The following DAB1 variants were observed in gnomAD, a reference collection of about 807,000 sequenced individuals.
DAB1 encodes the protein disabled homolog 1.
In DAB1, 15 loss-of-function variants were observed where a neutral mutation model predicts 64.6. The observed-to-expected ratio is 0.23, with a 90% CI of 0.16 to 0.36. The LOEUF (loss-of-function observed/expected upper bound fraction) is 0.36. Among genes scored for constraint, DAB1 ranks in the 10% least tolerant of loss-of-function variants. The probability of loss-of-function intolerance (pLI) is 1.00; values close to 1 mark genes in which losing one functional copy is unlikely to be tolerated. For synonymous variants in DAB1, 235 were observed against 251.9 expected, an observed-to-expected ratio of 0.93 and a Z score of 0.64; for missense variants, 596 against 706.7, an observed-to-expected ratio of 0.84 and a Z score of 1.78.
At chr1:57,214,436 G>A (rs17115390) in intron 2 of DAB1, among the ~76,000 whole-genome samples, 33,560 of 152,056 alleles carry the variant, frequency 0.22, 5,810 homozygotes, top group African/African-American at 0.48. Flanking sequence ...AGAGATTCTT[G>A]TCTGTCACAC....
At chr1:58,486,632 A>G (rs779028120) in intron 3 of DAB1, among the ~76,000 whole-genome samples, 5 of 152,236 alleles carry the variant, frequency 3.3e-5, no homozygotes, top group Non-Finnish European at 7.3e-5. Context: ...GGTAAAAGCC[A>G]ATAAACAAAT....
At chr1:57,471,735 A>C (rs1463245188) in intron 7 of DAB1, among the ~76,000 whole-genome samples, 2 of 152,234 alleles carry the variant, frequency 1.3e-5, no homozygotes, top group African/African-American at 4.8e-5. Flanking sequence ...TAAGTCCATT[A>C]AACCTCTTTC....
intron 1 of DAB1, among the ~76,000 whole-genome samples, chr1:57,390,762 C>T (rs978327519): frequency 6.6e-6 from 1 of 152,198 alleles, no homozygotes. Context: ...TCTTAATCTT[C>T]CCAATTTTTA....
At chr1:57,448,593 A>T (rs1686234780) in intron 7 of DAB1, among the ~76,000 whole-genome samples, 1 of 152,220 alleles carries the variant, frequency 6.6e-6, no homozygotes, top group South Asian at 2.1e-4. Flanking sequence ...AATATTTGTT[A>T]TGCATCTGTT....
intron 3 of DAB1, among the ~76,000 whole-genome samples, chr1:58,497,164 A>C (rs972764089): frequency 3.3e-5 from 5 of 152,232 alleles, no homozygotes; most frequent in Non-Finnish European, 7.3e-5. Context: ...AATCAAGTTA[A>C]TCCAGAATCT....
chr1:57,565,198 A>C (rs1434904705), intron 7 of DAB1, among the ~76,000 whole-genome samples: 2 of 152,182 alleles, frequency 1.3e-5, no homozygotes, highest in Non-Finnish European at 2.9e-5. Context: ...AGGAGAAATA[A>C]AATCCTTTCC....
chr1:58,527,179 T>C, intron 2 of DAB1: 1 of 800,766 alleles, frequency 1.2e-6, no homozygotes, highest in Non-Finnish European at 2.3e-6. Flanking sequence ...TCTCTGCTTA[T>C]GCCAAGCCTC....
At chr1:57,773,216 A>C (rs980210242) in intron 6 of DAB1, among the ~76,000 whole-genome samples, 8 of 152,076 alleles carry the variant, frequency 5.3e-5, no homozygotes, top group African/African-American at 1.7e-4. Context: ...CCAGGAAATT[A>C]ACATAGCATT....
At chr1:57,027,797 C>T (rs993177972) in intron 9 of DAB1, among the ~76,000 whole-genome samples, 7 of 152,198 alleles carry the variant, frequency 4.6e-5, no homozygotes, top group Non-Finnish European at 1.0e-4. Context: ...TCCCTTTCAG[C>T]TTTCAGATTG....
intron 7 of DAB1, among the ~76,000 whole-genome samples, chr1:57,627,189 C>T (rs1043921595): frequency 6.6e-6 from 1 of 152,136 alleles, no homozygotes; most frequent in African/African-American, 2.4e-5. Flanking sequence ...CCTTGGTGTT[C>T]CTGGTTCTCA....
chr1:57,259,083 G>C (rs1177148631), intron 2 of DAB1, among the ~76,000 whole-genome samples: 1 of 152,144 alleles, frequency 6.6e-6, no homozygotes, highest in Non-Finnish European at 1.5e-5. Context: ...CTGGCATCTG[G>C]CTAATGTTAC....
downstream of DAB1, among the ~76,000 whole-genome samples, chr1:57,824,889 T>A (rs852774): frequency 0.6 from 91,414 of 151,904 alleles, 27,763 homozygotes; most frequent in African/African-American, 0.68. Context: ...CTGACAGGTG[T>A]CCTGCATGGA....
intron 3 of DAB1, among the ~76,000 whole-genome samples, chr1:58,485,032 C>A (rs1645550336): frequency 6.6e-6 from 1 of 151,738 alleles, no homozygotes; most frequent in Non-Finnish European, 1.5e-5. Context: ...CAAGAGTAAA[C>A]CCTAATGGAC....
At chr1:57,728,317 G>T (rs1299469650) in intron 6 of DAB1, among the ~76,000 whole-genome samples, 1 of 152,134 alleles carries the variant, frequency 6.6e-6, no homozygotes, top group Non-Finnish European at 1.5e-5. Flanking sequence ...CCCCTGGCCG[G>T]GTGCGGTGGC....
At chr1:58,323,819 G>A (rs903949109) in intron 4 of DAB1, among the ~76,000 whole-genome samples, 3 of 151,902 alleles carry the variant, frequency 2.0e-5, no homozygotes, top group Admixed American at 6.6e-5. Context: ...CAGCTACTCA[G>A]GAGGCTGAGG....
At chr1:58,514,635 G>A (rs909185290) in intron 2 of DAB1, among the ~76,000 whole-genome samples, 2 of 152,104 alleles carry the variant, frequency 1.3e-5, no homozygotes, top group South Asian at 4.1e-4. Context: ...ACATGTGATA[G>A]GTAAAATAAT....
intron 1 of DAB1, among the ~76,000 whole-genome samples, chr1:57,868,521 G>T (rs922357127): frequency 2.0e-5 from 3 of 152,086 alleles, no homozygotes; most frequent in African/African-American, 7.2e-5. Context: ...TGACCTCTTA[G>T]GGCAGACAAT....
At chr1:57,474,102 A>T (rs1643903726) in intron 7 of DAB1, among the ~76,000 whole-genome samples, 1 of 152,234 alleles carries the variant, frequency 6.6e-6, no homozygotes, top group Non-Finnish European at 1.5e-5. Flanking sequence ...TAAAGTAGTT[A>T]CTTGCTTTTT....
chr1:58,195,137 A>G (rs1255090814), intron 4 of DAB1, among the ~76,000 whole-genome samples: 1 of 82,170 alleles, frequency 1.2e-5, no homozygotes, highest in Non-Finnish European at 2.4e-5. Context: ...AGAGAGAGAG[A>G]GAGAGACAGA....
Sources: allele counts gnomAD v4.1 joint callset (sites outside exome capture counted in the v4.1 genomes callset), GRCh38; gene constraint gnomAD v4.1.1; transcripts MANE v1.5; gene names NCBI Gene and HGNC (gene_info 2026-07-23, HGNC 2026-07-21).